ELAPOR2: variants seen among roughly 807,000 people sequenced by gnomAD.
The protein encoded by ELAPOR2 is endosome-lysosome associated apoptosis and autophagy regulator family member 2.
A neutral mutation model predicts 120.7 loss-of-function variants in ELAPOR2; 89 were observed. The observed-to-expected ratio is 0.74, with a 90% CI of 0.62 to 0.88. The LOEUF is 0.88. ELAPOR2 is among the 40% of genes least tolerant of loss of function. The pLI, the probability that ELAPOR2 is intolerant of heterozygous loss-of-function variation, is 0.00. For missense variants in ELAPOR2, 1,134 were observed against 1,251.6 expected (o/e 0.91, Z 1.42); for synonymous variants, 444 against 444.9 (o/e 1.00, Z 0.03).
At chr7:86,911,460 C>A (rs538769292) in intron 15 of ELAPOR2, among the ~76,000 whole-genome samples, 3 of 152,260 alleles carry the variant, frequency 2.0e-5, no homozygotes, top group African/African-American at 7.2e-5. Context: ...CCTGTTCCTA[C>A]TCTGTAGGTA....
At chr7:86,987,073 C>T (rs538158176) in intron 1 of ELAPOR2, among the ~76,000 whole-genome samples, 1 of 151,722 alleles carries the variant, frequency 6.6e-6, no homozygotes, top group East Asian at 1.9e-4. Flanking sequence ...TTTGACAAAC[C>T]TGACAAAAAC....
intron 1 of ELAPOR2, among the ~76,000 whole-genome samples, chr7:86,998,017 T>C (rs953880035): frequency 6.6e-6 from 1 of 152,082 alleles, no homozygotes; most frequent in Non-Finnish European, 1.5e-5. Context: ...TATGTAAAGG[T>C]AGACAAATAA....
At chr7:86,888,695 T>C (rs918372169) in intron 21 of ELAPOR2, among the ~76,000 whole-genome samples, 1 of 152,094 alleles carries the variant, frequency 6.6e-6, no homozygotes, top group Non-Finnish European at 1.5e-5. Flanking sequence ...AAGTCACTAG[T>C]TTGCAGTGTG....
chr7:86,913,178 C>T lies in ELAPOR2; in HGVS notation c.1758G>A (p.Val586=), dbSNP rs1276475530. ...TAGTGGCTGTGATAGAATAAATCTT[C>T]ACCATGTCATTGATGAACCGTCTAT... ...QDNRRFINDM[V]KIYSITATNA... Residue 586 remains valine, a synonymous_variant, in exon 14 of 22, where the codon GTG becomes GTA. Coordinates refer to ENST00000450689, the MANE Select transcript of ELAPOR2 (RefSeq NM_001142749.3). 6.2e-7 allele frequency: 1 copy of T among 1,613,930 alleles called. No individual in the cohort carries two copies. The highest frequency in any genetic ancestry group is 2.2e-5 in the East Asian group (1 of 44,842).
intron 12 of ELAPOR2, among the ~76,000 whole-genome samples, chr7:86,916,167 A>G (rs970920480): frequency 1.3e-5 from 2 of 152,104 alleles, no homozygotes; most frequent in African/African-American, 4.8e-5. Context: ...TAAGATCCCT[A>G]CTCTCAGGGA....
chr7:86,985,110 A>G (rs1415215735), intron 1 of ELAPOR2, among the ~76,000 whole-genome samples: 1 of 152,210 alleles, frequency 6.6e-6, no homozygotes, highest in African/African-American at 2.4e-5. Flanking sequence ...CCCTGGACAC[A>G]CACACCCTCC....
At chr7:86,883,835 CATTTCTCAAA>C (rs929307660) in intron 21 of ELAPOR2, among the ~76,000 whole-genome samples, 1 of 152,126 alleles carries the variant, frequency 6.6e-6, no homozygotes, top group African/African-American at 2.4e-5. Context: ...GATGTATATT[CATTTCTCAAA>C]ATTCATTAAA....
intron 1 of ELAPOR2, among the ~76,000 whole-genome samples, chr7:86,977,879 G>A (rs1792333111): frequency 6.6e-6 from 1 of 152,044 alleles, no homozygotes; most frequent in Non-Finnish European, 1.5e-5. Context: ...TTTATATTTT[G>A]CAAGTAATAA....
rs111754418 is a variant in ELAPOR2, at chr7:87,047,524, C to G, written c.189+11801G>C. On this transcript the variant is annotated intron_variant, in intron 1 of 21. Coordinates refer to ENST00000450689, the MANE Select transcript of ELAPOR2 (RefSeq NM_001142749.3). ...TAGTCAAAAAATGGGCAAAGGATTT[C>G]AATAGATATTTCTCAAAAGAAGACA... is the stretch of plus-strand genomic sequence containing the variant. Among the ~76,000 whole-genome samples, 1,202 of 152,162 alleles carry G rather than the reference C, an allele frequency of 7.9e-3. 17 individuals carry two copies. The highest frequency in any genetic ancestry group is 0.028 in the African/African-American group (1,155 of 41,510).
chr7:86,983,016 T>C (rs4344021), intron 1 of ELAPOR2, among the ~76,000 whole-genome samples: 57,241 of 151,676 alleles, frequency 0.38, 11,580 homozygotes, highest in African/African-American at 0.53. Context: ...CTGAAAACCA[T>C]GGCACGAGAA....
chr7:86,967,115 T>C (rs1028352076), intron 1 of ELAPOR2, among the ~76,000 whole-genome samples: 1 of 152,196 alleles, frequency 6.6e-6, no homozygotes, highest in African/African-American at 2.4e-5. Context: ...GCCTGCCATG[T>C]ATTTGCATAA....
At chr7:86,972,616 T>A (rs1429257576) in intron 1 of ELAPOR2, among the ~76,000 whole-genome samples, 2 of 151,166 alleles carry the variant, frequency 1.3e-5, no homozygotes, top group Non-Finnish European at 1.5e-5. Flanking sequence ...TTTTTTTTTT[T>A]AAATGGAACT....
intron 14 of ELAPOR2, 91 bp downstream of exon 14, chr7:86,912,850 C>T (rs927019116): frequency 1.4e-6 from 2 of 1,442,878 alleles, no homozygotes; most frequent in Admixed American, 1.9e-5. Context: ...ATAGCAACCT[C>T]ATAGCTCCCA....
At chr7:87,042,982 C>A (rs1317802070) in intron 1 of ELAPOR2, among the ~76,000 whole-genome samples, 1 of 152,160 alleles carries the variant, frequency 6.6e-6, no homozygotes, top group Non-Finnish European at 1.5e-5. Context: ...ACTACAAACA[C>A]CTCTACACAA....
At chr7:86,941,332 C>G (rs1416390830) in intron 5 of ELAPOR2, 1 of 531,920 alleles carries the variant, frequency 1.9e-6, no homozygotes, top group Non-Finnish European at 3.9e-6. Flanking sequence ...CAAATAATAA[C>G]AGATTCACTG....
intron 18 of ELAPOR2, among the ~76,000 whole-genome samples, chr7:86,904,538 T>A (rs1379243705): frequency 6.6e-6 from 1 of 152,200 alleles, no homozygotes; most frequent in Non-Finnish European, 1.5e-5. Flanking sequence ...ACAAACACTG[T>A]ACCGTTTTTA....
chr7:87,023,766 G>C (rs1794145860), intron 1 of ELAPOR2, among the ~76,000 whole-genome samples: 1 of 152,064 alleles, frequency 6.6e-6, no homozygotes, highest in Non-Finnish European at 1.5e-5. Flanking sequence ...AGTTCTCCTT[G>C]AAGAGGTCCT....
intron 7 of ELAPOR2, among the ~76,000 whole-genome samples, chr7:86,938,497 A>T (rs1790660485): frequency 6.6e-6 from 1 of 152,120 alleles, no homozygotes; most frequent in Non-Finnish European, 1.5e-5. Context: ...GGAACAAATT[A>T]AAAGTTTCTA....
chr7:86,909,651 C>A (rs764515264), intron 16 of ELAPOR2, among the ~76,000 whole-genome samples, 161 bp downstream of exon 16: 2 of 151,860 alleles, frequency 1.3e-5, no homozygotes, highest in African/African-American at 4.8e-5. Flanking sequence ...ATCAATAGTC[C>A]CCACTAGTAG....
Sources: allele counts gnomAD v4.1 joint callset (sites outside exome capture counted in the v4.1 genomes callset), GRCh38; gene constraint gnomAD v4.1.1; transcripts MANE v1.5; gene names NCBI Gene and HGNC (gene_info 2026-07-23, HGNC 2026-07-21).